GSG1L: variants seen among roughly 807,000 people sequenced by gnomAD.
The protein encoded by GSG1L is germ cell-specific gene 1-like protein.
GSG1L carries 24 observed loss-of-function variants against 42.1 expected under a neutral mutation model. That is an observed-to-expected ratio of 0.57 (90% CI 0.41 to 0.80). GSG1L has a LOEUF of 0.80. Among genes scored for constraint, GSG1L ranks in the 30% least tolerant of loss-of-function variants. The probability of loss-of-function intolerance (pLI) is 0.00; values close to 1 mark genes in which losing one functional copy is unlikely to be tolerated. For missense variants in GSG1L, 445 were observed against 472.2 expected, an observed-to-expected ratio of 0.94 and a Z score of 0.53; for synonymous variants, 215 against 203.5, an observed-to-expected ratio of 1.06 and a Z score of -0.48.
At chr16:27,976,354 G>A (rs1194301971) in intron 1 of GSG1L, among the ~76,000 whole-genome samples, 5 of 152,196 alleles carry the variant, frequency 3.3e-5, no homozygotes, top group African/African-American at 9.7e-5. Context: ...TAGAAACTTC[G>A]TGACCATGTA....
intron 5 of GSG1L, among the ~76,000 whole-genome samples, chr16:27,819,001 G>A (rs1397297522): frequency 1.3e-5 from 2 of 152,184 alleles, no homozygotes; most frequent in Non-Finnish European, 2.9e-5. Flanking sequence ...TGTAATCCCA[G>A]CACTTTGGGA....
chr16:27,946,561 G>C (rs1442946648), intron 2 of GSG1L, among the ~76,000 whole-genome samples: 1 of 8,648 alleles, frequency 1.2e-4, no homozygotes, highest in Non-Finnish European at 3.1e-4. Flanking sequence ...AAGAAAGAAA[G>C]AAAGAAAGAA....
chr16:27,975,340 G>A (rs1349019396), intron 1 of GSG1L, among the ~76,000 whole-genome samples: 2 of 152,022 alleles, frequency 1.3e-5, no homozygotes, highest in Admixed American at 6.6e-5. Flanking sequence ...GGCAGGGAAT[G>A]GACATGGAGG....
At chr16:28,043,715 T>C (rs2086134285) in intron 1 of GSG1L, among the ~76,000 whole-genome samples, 1 of 152,214 alleles carries the variant, frequency 6.6e-6, no homozygotes, top group Non-Finnish European at 1.5e-5. Flanking sequence ...TGAAAAATGG[T>C]ACAGCCACTT....
chr16:27,956,685 C>T (rs1307836665), intron 2 of GSG1L, among the ~76,000 whole-genome samples: 1 of 152,156 alleles, frequency 6.6e-6, no homozygotes, highest in Non-Finnish European at 1.5e-5. Flanking sequence ...CCACCAAGCA[C>T]CTACTATCCC....
At chr16:27,801,778 A>G (rs1262552047) in intron 6 of GSG1L, among the ~76,000 whole-genome samples, 1 of 152,112 alleles carries the variant, frequency 6.6e-6, no homozygotes, top group Non-Finnish European at 1.5e-5. Flanking sequence ...CCGGGTTCAA[A>G]TCCCAGCTTT....
At chr16:27,956,094 C>G (rs1051718207) in intron 2 of GSG1L, among the ~76,000 whole-genome samples, 1 of 152,106 alleles carries the variant, frequency 6.6e-6, no homozygotes, top group African/African-American at 2.4e-5. Flanking sequence ...TCTTTTGAAG[C>G]TAGAAAGTTT....
At chr16:27,989,727 G>T (rs2085433301) in intron 1 of GSG1L, among the ~76,000 whole-genome samples, 2 of 144,252 alleles carry the variant, frequency 1.4e-5, no homozygotes, top group African/African-American at 2.5e-5. Context: ...GCAACAGAGT[G>T]AGACTCAGTC....
At position 28,063,346 on chromosome 16, in the gene GSG1L, A is replaced by G. The variant is rs1172505102; in HGVS notation, c.79T>C (p.Phe27Leu). The change falls in exon 1 of 7, where the codon TTC becomes CTC. Residue 27 changes from phenylalanine (F) to leucine (L), a missense_variant. This residue lies in a region of GSG1L where 156 missense variants were observed against 128.3 expected (regional missense o/e 1.22). Transcript: ENST00000447459. The surrounding 1 kb of genome is among the most constrained non-coding windows in gnomAD (Gnocchi z 5.8). Reference protein sequence around the residue: ...LLALLFATTAFLTTHWCQGTQ... With the variant: ...LLALLFATTALLTTHWCQGTQ... ...CCCTGGCACCAGTGCGTGGTGAGGAAAGCGGTGGTGGCGAACAGCAGCGCC... is the reference window on the plus strand; with the variant it reads ...CCCTGGCACCAGTGCGTGGTGAGGAGAGCGGTGGTGGCGAACAGCAGCGCC... 3.6e-6 allele frequency: 5 copies of G among 1,404,880 alleles called. No individual in the cohort carries two copies. The Admixed American group carries it at 7.5e-5, about 21-fold the overall frequency. The allele number at this position is 1,404,880 out of a possible 1,614,324, so 87.0% of individuals were successfully genotyped here.
intron 2 of GSG1L, among the ~76,000 whole-genome samples, chr16:27,894,933 G>A (rs2084174053): frequency 2.0e-5 from 3 of 152,164 alleles, no homozygotes; most frequent in Admixed American, 2.0e-4. Flanking sequence ...GGTTCGAGGG[G>A]GAAAGGGCTG....
chr16:27,848,718 G>T (rs112882547), intron 3 of GSG1L, among the ~76,000 whole-genome samples: 6 of 152,094 alleles, frequency 3.9e-5, no homozygotes. Context: ...TGGAGGTGGG[G>T]GGCACTTCAG....
intron 3 of GSG1L, among the ~76,000 whole-genome samples, chr16:27,872,942 C>G (rs2083840843): frequency 6.6e-6 from 1 of 152,142 alleles, no homozygotes. Flanking sequence ...ATTGAGCAGC[C>G]CATACCACTG....
At chr16:27,979,724 AAG>A (rs1302562245) in intron 1 of GSG1L, among the ~76,000 whole-genome samples, 7,295 of 60,342 alleles carry the variant, frequency 0.12, 1,346 homozygotes, top group East Asian at 0.43. Context: ...GGAAGGAAGG[AAG>A]GAAAGAAAAA....
intron 2 of GSG1L, among the ~76,000 whole-genome samples, chr16:27,920,834 C>A (rs570456174): frequency 3.3e-5 from 5 of 152,312 alleles, no homozygotes; most frequent in East Asian, 3.9e-4. Flanking sequence ...CAGAGGCAAC[C>A]AGGCAGGGAC....
intron 3 of GSG1L, among the ~76,000 whole-genome samples, chr16:27,876,618 C>A (rs2083890686): frequency 6.6e-6 from 1 of 152,198 alleles, no homozygotes; most frequent in East Asian, 1.9e-4. Flanking sequence ...GGGAGTTGCA[C>A]TGTGCCTGCT....
At chr16:27,832,952 AAATGTATTT>A (rs1481262345) in intron 4 of GSG1L, among the ~76,000 whole-genome samples, 1 of 152,254 alleles carries the variant, frequency 6.6e-6, no homozygotes, top group Non-Finnish European at 1.5e-5. Flanking sequence ...CTTGTGGAAC[AAATGTATTT>A]AGTTTTGATG....
Position 28,040,183 on chromosome 16 carries a change from TG to T in GSG1L, c.349+22892del, listed in dbSNP as rs1433666690. 6.6e-6 allele frequency among the ~76,000 whole-genome samples: 1 copy of T among 152,180 alleles called. No individual in the cohort carries two copies. Among genetic ancestry groups the T allele is most frequent in the African/African-American group, 2.4e-5 (1 of 41,446 alleles). Reference sequence around the variant, plus strand: ...TGGACCGCTGCAGTCGCCTCCTAACTGGACTCCAGCCATTCACGCCTCCCTT... The same window carrying T: ...TGGACCGCTGCAGTCGCCTCCTAACTGACTCCAGCCATTCACGCCTCCCTT... On this transcript the variant is annotated intron_variant, in intron 1 of 6. Transcript: ENST00000447459. The surrounding 1 kb of genome is among the most constrained non-coding windows in gnomAD (Gnocchi z 4.1).
At chr16:27,813,755 C>A (rs956508495) in intron 5 of GSG1L, among the ~76,000 whole-genome samples, 2 of 152,336 alleles carry the variant, frequency 1.3e-5, no homozygotes, top group South Asian at 4.1e-4. Flanking sequence ...TGAGTGCCCC[C>A]AATGGCGGGG....
intron 1 of GSG1L, among the ~76,000 whole-genome samples, chr16:28,057,042 C>G (rs754895550): frequency 1.3e-5 from 2 of 151,946 alleles, no homozygotes; most frequent in Non-Finnish European, 2.9e-5. Flanking sequence ...GTCAAAGAGC[C>G]GGTAAGGAGG....
Sources: gnomAD v4.1 joint callset for allele counts (sites outside exome capture counted in the v4.1 genomes callset) on GRCh38, gnomAD v4.1.1 for gene constraint, gnomAD v4.1.1 regional missense constraint, Gnocchi (gnomAD v3.1) non-coding constraint, MANE v1.5 for transcripts, NCBI Gene and HGNC (gene_info 2026-07-23, HGNC 2026-07-21) for gene names.